MSRB3: variants seen among roughly 807,000 people sequenced by gnomAD.
MSRB3 encodes the protein methionine-R-sulfoxide reductase B3.
Under a neutral mutation model 21.0 loss-of-function variants are expected in MSRB3, and 13 were observed. The observed-to-expected ratio is 0.62, with a 90% CI of 0.40 to 0.98. MSRB3 has a LOEUF of 0.98. MSRB3 is among the 50% of genes least tolerant of loss of function. The pLI, the probability that MSRB3 is intolerant of heterozygous loss-of-function variation, is 0.00. For missense variants in MSRB3, 199 were observed against 230.3 expected, an observed-to-expected ratio of 0.86 and a Z score of 0.88; for synonymous variants, 87 against 88.6, an observed-to-expected ratio of 0.98 and a Z score of 0.10.
At chr12:65,436,325 C>T (rs1265342668) in intron 5 of MSRB3, among the ~76,000 whole-genome samples, 1 of 151,816 alleles carries the variant, frequency 6.6e-6, no homozygotes, top group Non-Finnish European at 1.5e-5. Context: ...TTACTACTTC[C>T]AAATTATGAT....
chr12:65,324,343 C>T (rs1874878491), intron 2 of MSRB3, among the ~76,000 whole-genome samples: 1 of 152,150 alleles, frequency 6.6e-6, no homozygotes, highest in South Asian at 2.1e-4. Flanking sequence ...CGGAGACTAA[C>T]AAAGGAGTAC....
chr12:65,387,419 A>C (rs1879249633), intron 5 of MSRB3, among the ~76,000 whole-genome samples: 1 of 151,890 alleles, frequency 6.6e-6, no homozygotes, highest in African/African-American at 2.4e-5. Context: ...TTCTTTGCCT[A>C]TCTGATAGGT....
chr12:65,411,116 C>G (rs1315644846), intron 5 of MSRB3, among the ~76,000 whole-genome samples: 3 of 152,120 alleles, frequency 2.0e-5, no homozygotes, highest in African/African-American at 7.2e-5. Flanking sequence ...TAAATAGAGG[C>G]CTGTTTTCAG....
chr12:65,349,204 C>A (rs1224137678), intron 4 of MSRB3, among the ~76,000 whole-genome samples: 5 of 152,072 alleles, frequency 3.3e-5, no homozygotes, highest in African/African-American at 1.2e-4. Flanking sequence ...TGATGATTTC[C>A]AGTTTCATCC....
chr12:65,366,561 G>T (rs902993883), intron 4 of MSRB3, among the ~76,000 whole-genome samples: 1 of 152,106 alleles, frequency 6.6e-6, no homozygotes, highest in Non-Finnish European at 1.5e-5. Context: ...CCAAGGAAAG[G>T]CCTAAAGATG....
At chr12:65,374,563 A>T (rs1413405877) in intron 5 of MSRB3, among the ~76,000 whole-genome samples, 1 of 152,220 alleles carries the variant, frequency 6.6e-6, no homozygotes, top group Admixed American at 6.5e-5. Context: ...TTTTAGATTT[A>T]GACAAATTCA....
At chr12:65,388,344 A>G (rs1404156194) in intron 5 of MSRB3, among the ~76,000 whole-genome samples, 1 of 151,928 alleles carries the variant, frequency 6.6e-6, no homozygotes, top group East Asian at 1.9e-4. Context: ...GGGTCAAGGC[A>G]GGTACACAGC....
At chr12:65,449,202 TG>T (rs1882751119) in intron 5 of MSRB3, among the ~76,000 whole-genome samples, 3 of 71,830 alleles carry the variant, frequency 4.2e-5, no homozygotes, top group Non-Finnish European at 7.7e-5. Context: ...CTAATTTTTT[TG>T]TATTTTTTTT....
Position 65,466,707 on chromosome 12 carries a change from GC to G in MSRB3, c.*3386del, listed in dbSNP as rs1414971906. Reference sequence around the variant, plus strand: ...GTATTACTTGTGTTTAAAATGTCTTGCTTTAAATACAAAACAAATGGTAAAG... The same window carrying G: ...GTATTACTTGTGTTTAAAATGTCTTGTTTAAATACAAAACAAATGGTAAAG... On this transcript the variant is annotated 3_prime_UTR_variant, in exon 7 of 7. Transcript: ENST00000308259. The G allele has an allele frequency of 5.3e-5, 8 of 152,126 alleles. No homozygotes were observed. Among genetic ancestry groups the G allele is most frequent in the Admixed American group, 5.2e-4 (8 of 15,268 alleles). The allele number at this position is 152,126 out of a possible 1,614,324, so 9.4% of individuals were successfully genotyped here.
intron 2 of MSRB3, among the ~76,000 whole-genome samples, chr12:65,326,427 C>T (rs547084187): frequency 4.0e-4 from 60 of 151,818 alleles, no homozygotes; most frequent in African/African-American, 1.3e-3. Flanking sequence ...TGCAGACTTA[C>T]GGTTTAACAT....
chr12:65,390,332 G>A (rs10506524), intron 5 of MSRB3, among the ~76,000 whole-genome samples: 3,429 of 152,100 alleles, frequency 0.023, 85 homozygotes, highest in Admixed American at 0.07. Context: ...CTGGAATTAA[G>A]GTTCTCAGTA....
At chr12:65,455,869 T>C (rs1249869446) in intron 6 of MSRB3, among the ~76,000 whole-genome samples, 1 of 152,208 alleles carries the variant, frequency 6.6e-6, no homozygotes, top group East Asian at 1.9e-4. Flanking sequence ...CCCAAGTAGC[T>C]GGGACCATAG....
At chr12:65,327,100 C>T (rs570243133) in intron 3 of MSRB3, among the ~76,000 whole-genome samples, 166 bp downstream of exon 3, 54 of 152,268 alleles carry the variant, frequency 3.5e-4, no homozygotes, top group Non-Finnish European at 6.9e-4. Flanking sequence ...TAGGTTAAGA[C>T]TAAGTTTTAT....
In MSRB3 at chr12:65,328,524, A is replaced by C; in HGVS notation, c.186-2A>C. 1 of 1,596,686 alleles carries C rather than the reference A, an allele frequency of 6.3e-7. No homozygotes were observed. The highest frequency in any genetic ancestry group is 8.6e-7 in the Non-Finnish European group (1 of 1,164,550). ...TTTTTAAATGATCTGTTTATTTATC[A>C]GTGCCTTTGAAGGAGAATACACACA... On this transcript the variant is annotated splice_acceptor_variant, in intron 3 of 6. Transcript: ENST00000308259. LOFTEE classifies it high-confidence loss of function.
intron 1 of MSRB3, among the ~76,000 whole-genome samples, chr12:65,298,580 T>C (rs1592500663): frequency 1.3e-5 from 2 of 152,328 alleles, no homozygotes; most frequent in East Asian, 1.9e-4. Context: ...GGATAGTTGA[T>C]AGAGGTCATT....
intron 4 of MSRB3, among the ~76,000 whole-genome samples, chr12:65,350,019 C>A (rs980786215): frequency 6.6e-6 from 1 of 150,784 alleles, no homozygotes; most frequent in African/African-American, 2.5e-5. Flanking sequence ...CCTAGGTTTT[C>A]TTCTAGGGTT....
intron 5 of MSRB3, among the ~76,000 whole-genome samples, chr12:65,449,420 G>A (rs552749360): frequency 6.6e-6 from 1 of 152,198 alleles, no homozygotes; most frequent in Admixed American, 6.5e-5. Context: ...GGTCAGTGAG[G>A]TTAGCAGATT....
chr12:65,369,360 C>G (rs1878193743), intron 5 of MSRB3, among the ~76,000 whole-genome samples: 1 of 152,106 alleles, frequency 6.6e-6, no homozygotes, highest in Admixed American at 6.5e-5. Flanking sequence ...TTTGAAAATT[C>G]TCTTTAGGTT....
chr12:65,442,058 C>G (rs1368522454), intron 5 of MSRB3, among the ~76,000 whole-genome samples: 3 of 151,838 alleles, frequency 2.0e-5, no homozygotes, highest in Non-Finnish European at 2.9e-5. Flanking sequence ...AGTAGGTGGA[C>G]TAAGTTTTGA....
Sources: gnomAD v4.1 joint callset for allele counts (sites outside exome capture counted in the v4.1 genomes callset) on GRCh38, gnomAD v4.1.1 for gene constraint, MANE v1.5 for transcripts, NCBI Gene and HGNC (gene_info 2026-07-23, HGNC 2026-07-21) for gene names.